The following TSPAN12 variants were observed in gnomAD, a reference collection of about 807,000 sequenced individuals.
The protein encoded by TSPAN12 is tetraspanin-12.
A neutral mutation model predicts 39.2 loss-of-function variants in TSPAN12; 19 were observed. The observed-to-expected ratio is 0.49, with a 90% CI of 0.34 to 0.71. The LOEUF is 0.71. Ranked by LOEUF, TSPAN12 falls within the 30% of genes least tolerant of loss-of-function variation. The pLI is 0.01. For synonymous variants in TSPAN12, 119 were observed against 124.8 expected, an observed-to-expected ratio of 0.95 and a Z score of 0.31; for missense variants, 314 against 359.9, an observed-to-expected ratio of 0.87 and a Z score of 1.03.
chr7:120,793,376 T>A (rs980148290), intron 7 of TSPAN12, among the ~76,000 whole-genome samples: 20 of 152,338 alleles, frequency 1.3e-4, no homozygotes, highest in Admixed American at 1.3e-3. Flanking sequence ...TATTGACACA[T>A]CACATAGTTG....
In TSPAN12 at chr7:120,844,629, G is replaced by A. The variant is rs138542465; in HGVS notation, c.67-4520C>T. Among the ~76,000 whole-genome samples the A allele has an allele frequency of 3.9e-5, 6 of 152,278 alleles. No homozygotes were observed. In the East Asian group the frequency reaches 7.7e-4, roughly 20 times the overall value. On this transcript the variant is annotated intron_variant, in intron 2 of 7. Transcript: ENST00000222747. ...AAGCTCCAAAATAATCTCCTTTAAC[G>A]CCATGTCTCACATCCAGGCAAAACT...
At chr7:120,810,773 A>G (rs555438361) in intron 5 of TSPAN12, among the ~76,000 whole-genome samples, 63 of 152,362 alleles carry the variant, frequency 4.1e-4, no homozygotes, top group African/African-American at 1.3e-3. Context: ...ATCTCAATGT[A>G]TAGATTTTTG....
chr7:120,794,993 T>A (rs940779586), intron 7 of TSPAN12, among the ~76,000 whole-genome samples: 7 of 152,208 alleles, frequency 4.6e-5, no homozygotes, highest in Non-Finnish European at 8.8e-5. Context: ...AGTAAGACAT[T>A]AAGTCTAGAT....
chr7:120,811,668 TCAA>T (rs1793984411), intron 5 of TSPAN12, among the ~76,000 whole-genome samples: 1 of 136,668 alleles, frequency 7.3e-6, no homozygotes. Flanking sequence ...AGACTCGGTC[TCAA>T]AAAAAAAAAA....
rs747438677 is a variant in TSPAN12, at chr7:120,815,816, A to G, written c.286-13T>C. The G allele has an allele frequency of 1.5e-5, 24 of 1,608,506 alleles. No homozygotes were observed. The highest frequency in any genetic ancestry group is 1.0e-4 in the Admixed American group (6 of 59,694). ...AACTTCCAAAGTACTGTAGAAAAAC[A>G]GAAAAGTATGCTGTTATAGTATCAG... On this transcript the variant is annotated splice_polypyrimidine_tract_variant and intron_variant, in intron 4 of 7. Transcript: ENST00000222747.
chr7:120,793,233 G>C (rs1037496265), intron 7 of TSPAN12, among the ~76,000 whole-genome samples: 1 of 152,156 alleles, frequency 6.6e-6, no homozygotes, highest in Non-Finnish European at 1.5e-5. Flanking sequence ...CTTTGAAAAT[G>C]ACATTGATTT....
rs1245143117 is a variant in TSPAN12 at position 120,788,391 on chromosome 7, A to T, written c.*201T>A. 2.1e-5 allele frequency: 13 copies of T among 621,960 alleles called. No individual in the cohort carries two copies. Among genetic ancestry groups the T allele is most frequent in the Non-Finnish European group, 3.6e-5 (13 of 360,402 alleles). The allele number at this position is 621,960 out of a possible 1,614,324, so 38.5% of individuals were successfully genotyped here. ...TATGACATCTGTCTTCAGCATTTTAAGGGCATCAATTATTGTCCAGGTGGT... is the reference window on the plus strand; with the variant it reads ...TATGACATCTGTCTTCAGCATTTTATGGGCATCAATTATTGTCCAGGTGGT... On this transcript the variant is annotated 3_prime_UTR_variant, in exon 8 of 8. Coordinates refer to ENST00000222747, the MANE Select transcript of TSPAN12 (RefSeq NM_012338.4).
intron 4 of TSPAN12, among the ~76,000 whole-genome samples, chr7:120,825,903 C>A (rs997402560): frequency 1.3e-5 from 2 of 152,090 alleles, no homozygotes; most frequent in African/African-American, 4.8e-5. Context: ...TATCTCTCTA[C>A]AATTTTTTTA....
chr7:120,790,044 C>T (rs74352527), intron 7 of TSPAN12, among the ~76,000 whole-genome samples: 50 of 152,220 alleles, frequency 3.3e-4, no homozygotes, highest in African/African-American at 8.7e-4. Context: ...AATCAGACTC[C>T]GCCTCCTCAA....
chr7:120,794,772 G>GGACA (rs1240708270), intron 7 of TSPAN12, among the ~76,000 whole-genome samples: 1 of 79,672 alleles, frequency 1.3e-5, no homozygotes, highest in East Asian at 3.3e-4. Flanking sequence ...CTTCTTGAGA[G>GGACA]GACAGTATTT....
In TSPAN12 at chr7:120,847,233, C is replaced by CAAA. The variant is rs76785160; in HGVS notation, c.67-7127_67-7125dup. 3.9e-3 allele frequency among the ~76,000 whole-genome samples: 420 copies of CAAA among 107,512 alleles called. 3 individuals carry two copies. The highest frequency in any genetic ancestry group is 0.015 in the African/African-American group (411 of 27,412). The allele number at this position is 107,512 out of a possible 152,430, so 70.5% of individuals were successfully genotyped here. A position where few individuals can be genotyped will look rare whatever the true frequency, so the allele number is the denominator to read the frequency against. Reference sequence around the variant, plus strand: ...CCTACTTCATAGAAGAGCTATATGACAAAAAAAAAAAAAACAAAAAACCAG... The same window carrying CAAA: ...CCTACTTCATAGAAGAGCTATATGACAAAAAAAAAAAAAAAAACAAAAAACCAG... On this transcript the variant is annotated intron_variant, in intron 2 of 7. Transcript: ENST00000222747.
At position 120,824,186 on chromosome 7, in the gene TSPAN12, C is replaced by T. The variant is rs1266722091; in HGVS notation, c.286-8383G>A. On this transcript the variant is annotated intron_variant, in intron 4 of 7. Coordinates refer to ENST00000222747, the MANE Select transcript of TSPAN12 (RefSeq NM_012338.4). Reference sequence around the variant, plus strand: ...TGCAATATTGCCCATTAAAACTATACATTTGGGAGGCCAAAGTGGGCAGAT... The same window carrying T: ...TGCAATATTGCCCATTAAAACTATATATTTGGGAGGCCAAAGTGGGCAGAT... 4.6e-5 allele frequency among the ~76,000 whole-genome samples: 7 copies of T among 151,376 alleles called. No homozygotes were observed. The South Asian group carries it at 6.3e-4, about 14-fold the overall frequency.
chr7:120,816,841 G>A (rs1278237100), intron 4 of TSPAN12, among the ~76,000 whole-genome samples: 4 of 152,246 alleles, frequency 2.6e-5, no homozygotes, highest in Middle Eastern at 3.4e-3. Context: ...GGCAGCACAA[G>A]AGGAGGCATG....
intron 6 of TSPAN12, among the ~76,000 whole-genome samples, chr7:120,809,871 G>A (rs563511495): frequency 1.1e-4 from 17 of 152,104 alleles, no homozygotes; most frequent in Non-Finnish European, 1.0e-4. Context: ...AAATGAAATC[G>A]CATCATTTAA....
chr7:120,815,645 G>T, intron 5 of TSPAN12, 84 bp downstream of exon 5: 1 of 1,197,450 alleles, frequency 8.4e-7, no homozygotes, highest in Non-Finnish European at 1.2e-6. Context: ...TTTCATAGCG[G>T]AGTGAAAATG....
chr7:120,856,228 GT>G (rs372532001), intron 2 of TSPAN12, among the ~76,000 whole-genome samples: 4 of 152,066 alleles, frequency 2.6e-5, no homozygotes, highest in African/African-American at 9.6e-5. Flanking sequence ...TCTGTGATAG[GT>G]TATCTGGGTG....
rs532732494 is a variant in TSPAN12, at chr7:120,824,133, G to C, written c.286-8330C>G. Among the ~76,000 whole-genome samples the C allele has an allele frequency of 2.8e-4, 42 of 152,148 alleles. No individual in the cohort carries two copies. In the South Asian group the frequency reaches 7.9e-3, roughly 29 times the overall value. On this transcript the variant is annotated intron_variant, in intron 4 of 7. Transcript: ENST00000222747. ...ATATAAAAAATGTATACCCAGGCTA[G>C]ACCCTGCTTTGAAATATGAATTTCT...
chr7:120,806,422 A>T, intron 7 of TSPAN12, 127 bp downstream of exon 7: 1 of 940,524 alleles, frequency 1.1e-6, no homozygotes, highest in Non-Finnish European at 1.6e-6. Flanking sequence ...TCCCCATATT[A>T]GAGAAAAATT....
rs1053105876 is a variant in TSPAN12, at chr7:120,856,586, T to C, written c.66+112A>G. The stretch of plus-strand genomic sequence containing the variant: ...TTACTTCTCTGAAAAATAAAGGGTG[T>C]TATCCCATGTAATTAATTAATGCTT... On this transcript the variant is annotated intron_variant, in intron 2 of 7. Transcript: ENST00000222747. 5 of 1,076,952 alleles carry C rather than the reference T, an allele frequency of 4.6e-6. No homozygotes were observed. In the African/African-American group the frequency reaches 7.8e-5, roughly 17 times the overall value. 66.7% of individuals were successfully genotyped at this position (1,076,952 alleles called of 1,614,324 possible).
Sources: gnomAD v4.1 joint callset for allele counts (sites outside exome capture counted in the v4.1 genomes callset) on GRCh38, gnomAD v4.1.1 for gene constraint, MANE v1.5 for transcripts, NCBI Gene and HGNC (gene_info 2026-07-23, HGNC 2026-07-21) for gene names.